DACH1: variants seen among roughly 807,000 people sequenced by gnomAD.
DACH1 encodes dachshund family transcription factor 1.
Under a neutral mutation model 54.2 loss-of-function variants are expected in DACH1, and 12 were observed. The ratio of observed to expected loss-of-function variants is 0.22; its 90% CI spans 0.14 to 0.36. DACH1 has a LOEUF of 0.36. Ranked by LOEUF, DACH1 falls within the 10% of genes least tolerant of loss-of-function variation. The probability of loss-of-function intolerance (pLI) is 1.00; values close to 1 mark genes in which losing one functional copy is unlikely to be tolerated. For missense variants in DACH1, 805 were observed against 929.8 expected (o/e 0.87, Z 1.75); for synonymous variants, 386 against 366.2 (o/e 1.05, Z -0.62).
intron 3 of DACH1, among the ~76,000 whole-genome samples, chr13:71,622,105 C>T (rs1876292234): frequency 6.6e-6 from 1 of 151,928 alleles, no homozygotes; most frequent in Admixed American, 6.6e-5. Context: ...TTTATGTCAA[C>T]TACTATATTA....
At chr13:71,843,414 G>A (rs1358703741) in intron 1 of DACH1, among the ~76,000 whole-genome samples, 1 of 152,002 alleles carries the variant, frequency 6.6e-6, no homozygotes, top group East Asian at 1.9e-4. Flanking sequence ...ACAGGTACAT[G>A]CCACCATGCC....
intron 1 of DACH1, among the ~76,000 whole-genome samples, chr13:71,762,768 CAAAAA>C (rs34543654): frequency 2.1e-4 from 15 of 71,180 alleles, no homozygotes; most frequent in Non-Finnish European, 3.5e-4. Flanking sequence ...AACTTTGTCT[CAAAAA>C]AAAAAAAAAA....
intron 3 of DACH1, among the ~76,000 whole-genome samples, chr13:71,588,142 T>C (rs571447199): frequency 2.6e-5 from 4 of 152,266 alleles, no homozygotes; most frequent in South Asian, 4.1e-4. Flanking sequence ...CGGATGAATC[T>C]ACTAACAACG....
chr13:71,717,821 T>G (rs1883046614), intron 1 of DACH1, among the ~76,000 whole-genome samples: 1 of 152,092 alleles, frequency 6.6e-6, no homozygotes, highest in African/African-American at 2.4e-5. Context: ...GTCAGATCTT[T>G]AGATCTAACA....
Position 71,439,050 on chromosome 13 carries a change from T to C in DACH1, c.*1605A>G, listed in dbSNP as rs917679574. On this transcript the variant is annotated 3_prime_UTR_variant, in exon 11 of 11. Coordinates refer to ENST00000613252, the MANE Select transcript of DACH1 (RefSeq NM_080759.6). ...GGTATAGAAGCGTAATGCCAGAGTA[T>C]CTATAATGTTAATTTTTTCTTAATC... is the stretch of plus-strand genomic sequence containing the variant. 6.6e-6 allele frequency: 1 copy of C among 152,420 alleles called. No homozygotes were observed. The highest frequency in any genetic ancestry group is 1.5e-5 in the Non-Finnish European group (1 of 67,900). 9.4% of individuals were successfully genotyped at this position (152,420 alleles called of 1,614,324 possible).
At chr13:71,464,613 C>T (rs751442768) in intron 10 of DACH1, 2 of 445,402 alleles carry the variant, frequency 4.5e-6, no homozygotes, top group Non-Finnish European at 9.0e-6. Context: ...CAAATTAGAC[C>T]CATGCAAATA....
intron 1 of DACH1, among the ~76,000 whole-genome samples, chr13:71,798,179 C>A (rs1887135636): frequency 6.6e-6 from 1 of 151,586 alleles, no homozygotes; most frequent in Admixed American, 6.6e-5. Flanking sequence ...AAAAATGTCA[C>A]CTCTCCAAAC....
chr13:71,471,866 T>C (rs1212122777), intron 10 of DACH1, among the ~76,000 whole-genome samples: 1 of 152,180 alleles, frequency 6.6e-6, no homozygotes, highest in East Asian at 1.9e-4. Context: ...CATCATGTTA[T>C]AGATTTGGCT....
chr13:71,512,099 T>C (rs1880819427), intron 6 of DACH1, among the ~76,000 whole-genome samples: 1 of 152,008 alleles, frequency 6.6e-6, no homozygotes. Flanking sequence ...ATTTCTTTTT[T>C]GGAAATTCAA....
chr13:71,571,223 G>C (rs1167382706), intron 4 of DACH1, among the ~76,000 whole-genome samples: 1 of 152,004 alleles, frequency 6.6e-6, no homozygotes, highest in Non-Finnish European at 1.5e-5. Flanking sequence ...TTTTTTTAAT[G>C]AGAATAATCA....
intron 6 of DACH1, among the ~76,000 whole-genome samples, chr13:71,501,430 T>C (rs2138233770): frequency 1.3e-5 from 2 of 152,258 alleles, no homozygotes; most frequent in Admixed American, 1.3e-4. Flanking sequence ...TTACCCATCT[T>C]TAGAAAATAT....
chr13:71,761,961 T>G (rs1885416321), intron 1 of DACH1, among the ~76,000 whole-genome samples: 1 of 152,166 alleles, frequency 6.6e-6, no homozygotes, highest in Admixed American at 6.5e-5. Flanking sequence ...ATGATTTAAC[T>G]AGGAGTGTTA....
chr13:71,643,757 C>G (rs912190328), intron 2 of DACH1, among the ~76,000 whole-genome samples: 1 of 151,762 alleles, frequency 6.6e-6, no homozygotes, highest in South Asian at 2.1e-4. Context: ...TCAACTGTTA[C>G]GGACAATGAG....
chr13:71,447,899 C>CA (rs1483876757), intron 10 of DACH1, among the ~76,000 whole-genome samples: 3 of 151,546 alleles, frequency 2.0e-5, no homozygotes, highest in Admixed American at 6.6e-5. Flanking sequence ...AAATTGACAC[C>CA]AAAAAATCCA....
At chr13:71,522,108 A>C (rs1036232920) in intron 6 of DACH1, among the ~76,000 whole-genome samples, 1 of 152,158 alleles carries the variant, frequency 6.6e-6, no homozygotes, top group African/African-American at 2.4e-5. Flanking sequence ...TGGAACATAA[A>C]GCATATTAAT....
chr13:71,723,901 G>T (rs748188257), intron 1 of DACH1, among the ~76,000 whole-genome samples: 3 of 152,030 alleles, frequency 2.0e-5, no homozygotes, highest in Non-Finnish European at 2.9e-5. Flanking sequence ...ATGTTGCTCA[G>T]GTTGGTCTCA....
intron 1 of DACH1, among the ~76,000 whole-genome samples, chr13:71,834,281 A>G (rs1594278838): frequency 1.3e-5 from 2 of 152,170 alleles, no homozygotes. Context: ...TTTAAAACTG[A>G]GCAGTGGAAA....
intron 1 of DACH1, among the ~76,000 whole-genome samples, chr13:71,728,545 CACAAAT>C (rs1054547284): frequency 6.6e-6 from 1 of 151,974 alleles, no homozygotes; most frequent in African/African-American, 2.4e-5. Flanking sequence ...ATGAATTCCT[CACAAAT>C]ACATTTAACA....
intron 6 of DACH1, among the ~76,000 whole-genome samples, chr13:71,532,525 T>C (rs1263407557): frequency 6.6e-6 from 1 of 151,946 alleles, no homozygotes; most frequent in Non-Finnish European, 1.5e-5. Flanking sequence ...TGAATAAATA[T>C]ATACCTTAAT....
Sources: gnomAD v4.1 joint callset for allele counts (sites outside exome capture counted in the v4.1 genomes callset) on GRCh38, gnomAD v4.1.1 for gene constraint, MANE v1.5 for transcripts, NCBI Gene and HGNC (gene_info 2026-07-23, HGNC 2026-07-21) for gene names.